Variants in ENOX1 observed in about 807,000 individuals in gnomAD.
ENOX1 encodes the protein candidate growth-related and time keeping constitutive hydroquinone (NADH) oxidase.
A neutral mutation model predicts 82.5 loss-of-function variants in ENOX1; 42 were observed. The ratio of observed to expected loss-of-function variants is 0.51; its 90% confidence interval spans 0.40 to 0.66. The LOEUF (loss-of-function observed/expected upper bound fraction) is 0.66. ENOX1 is among the 30% of genes least tolerant of loss of function. The pLI, the probability that ENOX1 is intolerant of heterozygous loss-of-function variation, is 0.00. For missense variants in ENOX1, 608 were observed against 811.6 expected (o/e 0.75, Z 3.05); for synonymous variants, 271 against 282.2 (o/e 0.96, Z 0.40).
rs544517343 is a variant in ENOX1 at position 43,268,286 on chromosome 13, T to TAACA, written c.1554+1180_1554+1183dup. On this transcript the variant is annotated intron_variant, in intron 13 of 16. Transcript: ENST00000690772. ...CTTTGCTGGGAGTCTTTTCATAATA[T>TAACA]AACAGTGGAAAGCACAGTGATTTCA... is the stretch of plus-strand genomic sequence containing the variant. 1.8e-3 allele frequency among the ~76,000 whole-genome samples: 271 copies of TAACA among 152,262 alleles called. 1 individual carries two copies. Among genetic ancestry groups the TAACA allele is most frequent in the African/African-American group, 5.9e-3 (246 of 41,534 alleles).
chr13:43,677,888 T>G (rs1188268343), intron 1 of ENOX1, among the ~76,000 whole-genome samples: 1 of 152,166 alleles, frequency 6.6e-6, no homozygotes, highest in East Asian at 1.9e-4. Context: ...TTATTTATTT[T>G]TAGGTTTCAT....
intron 2 of ENOX1, among the ~76,000 whole-genome samples, chr13:43,564,873 T>C (rs990023479): frequency 1.2e-4 from 19 of 152,136 alleles, no homozygotes; most frequent in Non-Finnish European, 2.4e-4. Flanking sequence ...AGAGTAATGA[T>C]ATTGTACTAT....
intron 1 of ENOX1, among the ~76,000 whole-genome samples, chr13:43,718,540 T>C (rs1420919881): frequency 6.6e-6 from 1 of 151,752 alleles, no homozygotes; most frequent in African/African-American, 2.4e-5. Flanking sequence ...ATAATAAAAA[T>C]TGAAATTATT....
At chr13:43,484,692 A>C (rs1303894487) in intron 2 of ENOX1, among the ~76,000 whole-genome samples, 1 of 152,230 alleles carries the variant, frequency 6.6e-6, no homozygotes, top group African/African-American at 2.4e-5. Context: ...TTTCCCAAAC[A>C]GAACTGACAA....
intron 2 of ENOX1, among the ~76,000 whole-genome samples, chr13:43,541,122 A>G (rs1283103162): frequency 6.9e-6 from 1 of 144,304 alleles, no homozygotes; most frequent in Non-Finnish European, 1.5e-5. Flanking sequence ...TCACAAGCTT[A>G]TGAAAACCTC....
At chr13:43,754,686 T>C (rs1950552917) in intron 1 of ENOX1, among the ~76,000 whole-genome samples, 1 of 151,896 alleles carries the variant, frequency 6.6e-6, no homozygotes, top group African/African-American at 2.4e-5. Flanking sequence ...CTGGGCTCAA[T>C]AGATCTTCTT....
At chr13:43,408,104 C>G (rs1468948002) in intron 5 of ENOX1, among the ~76,000 whole-genome samples, 1 of 152,050 alleles carries the variant, frequency 6.6e-6, no homozygotes, top group Non-Finnish European at 1.5e-5. Flanking sequence ...AAGGTGGGAG[C>G]AGAATCACGG....
Position 43,786,446 on chromosome 13 carries a change from G to C in ENOX1, c.-285+206C>G, listed in dbSNP as rs1453244306. On this transcript the variant is annotated intron_variant, in intron 1 of 16. Coordinates refer to ENST00000690772, the MANE Select transcript of ENOX1 (RefSeq NM_001347969.2). The surrounding 1 kb of genome is among the most constrained non-coding windows in gnomAD (Gnocchi z 6.0). The stretch of plus-strand genomic sequence containing the variant: ...AGTGAGGGAGCTTGAGACGGGGCAC[G>C]GCGGGGAAGGGCGTGGGGGCTGCAC... Among the ~76,000 whole-genome samples, 2 of 151,702 alleles carry C rather than the reference G, an allele frequency of 1.3e-5. No homozygotes were observed. Among genetic ancestry groups the C allele is most frequent in the Non-Finnish European group, 2.9e-5 (2 of 67,874 alleles).
At chr13:43,525,589 A>G (rs979898490) in intron 2 of ENOX1, among the ~76,000 whole-genome samples, 11 of 152,080 alleles carry the variant, frequency 7.2e-5, no homozygotes, top group Non-Finnish European at 1.5e-4. Flanking sequence ...ATCATTTTGC[A>G]TTCCTATTAA....
intron 1 of ENOX1, among the ~76,000 whole-genome samples, chr13:43,724,554 G>A (rs2088806517): frequency 6.6e-6 from 1 of 152,198 alleles, no homozygotes; most frequent in African/African-American, 2.4e-5. Context: ...TTACTCATTT[G>A]CGTATCTTCC....
At chr13:43,674,016 G>A (rs2085388888) in intron 1 of ENOX1, among the ~76,000 whole-genome samples, 1 of 152,138 alleles carries the variant, frequency 6.6e-6, no homozygotes, top group Non-Finnish European at 1.5e-5. Flanking sequence ...GAAGTCAAAG[G>A]TGAACAAGAA....
intron 3 of ENOX1, among the ~76,000 whole-genome samples, chr13:43,450,780 G>A (rs555447216): frequency 6.6e-6 from 1 of 152,238 alleles, no homozygotes; most frequent in South Asian, 2.1e-4. Context: ...TCAAAGGCGA[G>A]CTCATGGGCA....
chr13:43,403,282 T>A (rs556271793), intron 5 of ENOX1, among the ~76,000 whole-genome samples: 1 of 152,272 alleles, frequency 6.6e-6, no homozygotes, highest in South Asian at 2.1e-4. Context: ...AAAATTTTTA[T>A]ATTAATAATT....
At chr13:43,269,190 G>A (rs556834614) in intron 13 of ENOX1, among the ~76,000 whole-genome samples, 7 of 152,174 alleles carry the variant, frequency 4.6e-5, no homozygotes, top group Non-Finnish European at 8.8e-5. Flanking sequence ...CTCATTGCCA[G>A]TATTTTGAAA....
chr13:43,599,938 G>C (rs2081630226), intron 2 of ENOX1, among the ~76,000 whole-genome samples: 1 of 151,748 alleles, frequency 6.6e-6, no homozygotes, highest in African/African-American at 2.4e-5. Context: ...CACATTCTGG[G>C]CCAGAAGAAA....
chr13:43,530,992 A>T (rs2078185704), intron 2 of ENOX1, among the ~76,000 whole-genome samples: 1 of 152,008 alleles, frequency 6.6e-6, no homozygotes, highest in South Asian at 2.1e-4. Context: ...AAGTCCTTAT[A>T]AAATAATAAG....
At chr13:43,344,492 A>G in intron 9 of ENOX1, 46 bp downstream of exon 9, 1 of 1,500,260 alleles carries the variant, frequency 6.7e-7, no homozygotes, top group Non-Finnish European at 9.1e-7. Context: ...TAAAAAAGAA[A>G]AGGCAAAATC....
intron 1 of ENOX1, among the ~76,000 whole-genome samples, chr13:43,779,290 G>C (rs1952106457): frequency 6.6e-6 from 1 of 151,922 alleles, no homozygotes; most frequent in Non-Finnish European, 1.5e-5. Flanking sequence ...GGGGATCCTA[G>C]GAAGTACTGG....
At chr13:43,350,687 C>T (rs1262752761) in intron 8 of ENOX1, among the ~76,000 whole-genome samples, 1 of 152,178 alleles carries the variant, frequency 6.6e-6, no homozygotes, top group Non-Finnish European at 1.5e-5. Flanking sequence ...TCAGGTGATC[C>T]ACCCATCTCG....
Sources: gnomAD v4.1 joint callset for allele counts (sites outside exome capture counted in the v4.1 genomes callset) on GRCh38, gnomAD v4.1.1 for gene constraint, Gnocchi (gnomAD v3.1) non-coding constraint, MANE v1.5 for transcripts, NCBI Gene and HGNC (gene_info 2026-07-23, HGNC 2026-07-21) for gene names.